Variants in NHS observed in about 807,000 individuals in gnomAD.
NHS encodes the protein NHS actin remodeling regulator.
Under a neutral mutation model 72.5 loss-of-function variants are expected in NHS, and 5 were observed. The observed-to-expected ratio is 0.07, with a 90% confidence interval of 0.04 to 0.14. The LOEUF (loss-of-function observed/expected upper bound fraction) is 0.14. Among genes scored for constraint, NHS ranks in the 10% least tolerant of loss-of-function variants. NHS has a pLI of 1.00. For synonymous variants in NHS, 464 were observed against 547.7 expected, an observed-to-expected ratio of 0.85 and a Z score of 2.13; for missense variants, 1,072 against 1,355.7, an observed-to-expected ratio of 0.79 and a Z score of 3.29.
chrX:17,407,404 A>C (rs949804662), intron 1 of NHS, among the ~76,000 whole-genome samples: 1 of 111,619 alleles, frequency 9.0e-6, no homozygotes. Flanking sequence ...CACCTCTTTT[A>C]GGGATTATAA....
intron 3 of NHS, among the ~76,000 whole-genome samples, chrX:17,695,372 G>T (rs2066221813): frequency 1.8e-5 from 2 of 112,070 alleles, no homozygotes; most frequent in Admixed American, 1.9e-4. Flanking sequence ...ATAACTATAG[G>T]ATAGAATACA....
intron 1 of NHS, among the ~76,000 whole-genome samples, chrX:17,465,575 A>G (rs191509180): frequency 1.9e-5 from 2 of 106,335 alleles, no homozygotes; most frequent in African/African-American, 6.9e-5. Context: ...AGAGGCAAGA[A>G]TAGGGTTGCA....
At chrX:17,425,643 C>T (rs1359102029) in intron 1 of NHS, among the ~76,000 whole-genome samples, 5 of 99,350 alleles carry the variant, frequency 5.0e-5, no homozygotes, top group Admixed American at 1.2e-4. Flanking sequence ...CTTACATGAA[C>T]AGAGGAGGCC....
chrX:17,573,257 A>T (rs940251397), intron 1 of NHS, among the ~76,000 whole-genome samples: 1 of 111,546 alleles, frequency 9.0e-6, no homozygotes, highest in Non-Finnish European at 1.9e-5. Context: ...CTCCTGGATA[A>T]TATCCTGAAG....
intron 1 of NHS, among the ~76,000 whole-genome samples, chrX:17,645,797 A>C (rs371197359): frequency 8.9e-6 from 1 of 112,422 alleles, no homozygotes; most frequent in African/African-American, 3.2e-5. Context: ...CAATTTTTAA[A>C]AATATTGTTT....
chrX:17,526,523 A>G, intron 1 of NHS, among the ~76,000 whole-genome samples: 1 of 112,180 alleles, frequency 8.9e-6, no homozygotes, highest in Non-Finnish European at 1.9e-5. Flanking sequence ...AAAGCAAGTC[A>G]CAGAACCAAA....
chrX:17,561,785 C>G (rs1330802653), intron 1 of NHS, among the ~76,000 whole-genome samples: 1 of 107,617 alleles, frequency 9.3e-6, no homozygotes, highest in Non-Finnish European at 1.9e-5. Flanking sequence ...GGGAATAAAC[C>G]CCAAGAACAG....
chrX:17,376,379 G>A, intron 1 of NHS, 57 bp downstream of exon 1: 1 of 1,042,266 alleles, frequency 9.6e-7, no homozygotes, highest in Non-Finnish European at 1.3e-6. Context: ...GCACCCTCGC[G>A]CCCTCCCCAG....
intron 1 of NHS, among the ~76,000 whole-genome samples, chrX:17,532,524 C>T (rs1341587021): frequency 1.8e-5 from 2 of 111,780 alleles, no homozygotes; most frequent in Non-Finnish European, 3.8e-5. Flanking sequence ...GCTCCCCTCA[C>T]TGTGCATTTG....
chrX:17,548,572 CCA>C (rs775363787), intron 1 of NHS, among the ~76,000 whole-genome samples: 1 of 111,013 alleles, frequency 9.0e-6, no homozygotes, highest in Admixed American at 9.5e-5. Context: ...TGCACATGCA[CCA>C]CACACACACA....
chrX:17,537,144 C>A (rs923860818), intron 1 of NHS, among the ~76,000 whole-genome samples: 1 of 112,122 alleles, frequency 8.9e-6, no homozygotes, highest in African/African-American at 3.2e-5. Flanking sequence ...TCCATCTGTC[C>A]CATCTCGGGC....
chrX:17,476,790 G>A (rs958131657), intron 1 of NHS, among the ~76,000 whole-genome samples: 2 of 111,878 alleles, frequency 1.8e-5, no homozygotes, highest in Admixed American at 9.5e-5. Flanking sequence ...ATTAGTTCTT[G>A]GCATTTCTAG....
chrX:17,459,833 C>T (rs1219484300), intron 1 of NHS, among the ~76,000 whole-genome samples: 1 of 112,204 alleles, frequency 8.9e-6, no homozygotes, highest in East Asian at 2.8e-4. Flanking sequence ...TCATTCCCTC[C>T]TCCCAACACC....
At chrX:17,407,875 T>C (rs1308334707) in intron 1 of NHS, among the ~76,000 whole-genome samples, 1 of 111,529 alleles carries the variant, frequency 9.0e-6, no homozygotes, top group Non-Finnish European at 1.9e-5. Context: ...CCCAAGAAGA[T>C]GGGGCAACAT....
chrX:17,423,398 C>G (rs985545637), intron 1 of NHS, among the ~76,000 whole-genome samples: 1 of 111,664 alleles, frequency 9.0e-6, no homozygotes, highest in Non-Finnish European at 1.9e-5. Context: ...TCCTCCTCCT[C>G]CATCTAAGCT....
chrX:17,717,872 CAAAT>C (rs747909490), intron 3 of NHS, among the ~76,000 whole-genome samples: 7 of 111,573 alleles, frequency 6.3e-5, no homozygotes, highest in Non-Finnish European at 1.1e-4. Context: ...AAGTAGTTCA[CAAAT>C]AAATAAATAA....
intron 3 of NHS, 102 bp downstream of exon 3, chrX:17,692,570 C>A: frequency 9.7e-7 from 1 of 1,032,819 alleles, no homozygotes; most frequent in Non-Finnish European, 1.4e-6. Flanking sequence ...GCTGGGCTGG[C>A]TAAGAGCTCA....
At chrX:17,437,433 T>A (rs1374153830) in intron 1 of NHS, among the ~76,000 whole-genome samples, 3 of 111,837 alleles carry the variant, frequency 2.7e-5, no homozygotes, top group African/African-American at 9.8e-5. Context: ...TTCTTACCAT[T>A]TGTTCTCCTT....
At chrX:17,523,674 T>G (rs1410092921) in intron 1 of NHS, among the ~76,000 whole-genome samples, 1 of 99,278 alleles carries the variant, frequency 1.0e-5, no homozygotes, top group Non-Finnish European at 2.0e-5. Context: ...AAGCTCATCT[T>G]GGAACCTGTG....
Sources: gnomAD v4.1 joint callset for allele counts (sites outside exome capture counted in the v4.1 genomes callset) on GRCh38, gnomAD v4.1.1 for gene constraint, MANE v1.5 for transcripts, NCBI Gene and HGNC (gene_info 2026-07-23, HGNC 2026-07-21) for gene names.